GPRC6A: variants seen among roughly 807,000 people sequenced by gnomAD.
GPRC6A encodes the protein G protein-coupled receptor class C group 6 member A, also known as G protein-coupled receptor family C group 6 member A.
Under a neutral mutation model 47.0 loss-of-function variants are expected in GPRC6A, and 54 were observed. The ratio of observed to expected loss-of-function variants is 1.15; its 90% CI spans 0.92 to 1.44. GPRC6A has a LOEUF of 1.44. GPRC6A is among the 40% of genes most tolerant of loss of function. The pLI, the probability that GPRC6A is intolerant of heterozygous loss-of-function variation, is 0.00. For synonymous variants in GPRC6A, 347 were observed against 377.1 expected, an observed-to-expected ratio of 0.92 and a Z score of 0.93; for missense variants, 1,112 against 1,105.5, an observed-to-expected ratio of 1.01 and a Z score of -0.08.
intron 4 of GPRC6A, among the ~76,000 whole-genome samples, chr6:116,799,502 A>G (rs1257871712): frequency 6.6e-6 from 1 of 152,198 alleles, no homozygotes; most frequent in African/African-American, 2.4e-5. Context: ...TGAGGGGAGA[A>G]TAATTAGCTG....
At position 116,792,142 on chromosome 6, in the gene GPRC6A, T is replaced by G. The variant is rs778729696; in HGVS notation, c.2781A>C (p.Ter927CysextTer11). 6 of 1,610,012 alleles carry G rather than the reference T, an allele frequency of 3.7e-6. No individual in the cohort carries two copies. In the Admixed American group the frequency reaches 1.0e-4, roughly 27 times the overall value. The change falls in exon 6 of 6, where the codon TGA becomes TGC. Residue 927 changes from the stop codon to cysteine (C), a stop_lost. Coordinates refer to ENST00000310357, the MANE Select transcript of GPRC6A (RefSeq NM_148963.4). ...GAATGTGGCATCTCCTAAGGCTTAT[T>G]CATATACTTGACATTCTTTTTCGAG... The part of the protein sequence containing the change: ...TLPRKRMSSI[*>C]
chr6:116,810,590 T>C (rs1412226957), intron 1 of GPRC6A, among the ~76,000 whole-genome samples: 5 of 151,668 alleles, frequency 3.3e-5, no homozygotes, highest in Admixed American at 1.3e-4. Flanking sequence ...AGTTAAACTA[T>C]TTGAAGATTA....
At position 116,795,860 on chromosome 6, in the gene GPRC6A, T is replaced by C. The variant is rs1582452930; in HGVS notation, c.1549-25A>G. The C allele has an allele frequency of 2.0e-6, 3 of 1,487,792 alleles. 1 individual carries two copies. In the East Asian group the frequency reaches 6.9e-5, roughly 34 times the overall value. 92.2% of individuals were successfully genotyped at this position (1,487,792 alleles called of 1,614,324 possible). On this transcript the variant is annotated intron_variant, in intron 4 of 5. Transcript: ENST00000310357. ...GCTATATTAAAAGTGAAAAAAAAAA[T>C]CACAAGTAAATTTGTAAAAAAAATT... is the stretch of plus-strand genomic sequence containing the variant.
rs763047293 is a variant in GPRC6A at position 116,792,982 on chromosome 6, C to T, written c.1941G>A (p.Thr647=). 4.3e-6 allele frequency: 7 copies of T among 1,613,918 alleles called. No individual in the cohort carries two copies. The Admixed American group carries it at 6.7e-5, about 15-fold the overall frequency. The part of the protein sequence containing the change: ...LLCHFLNFAS[T]SFFIGEPQDF... ...CTTGTGGTTCTCCAATGAAAAAGCT[C>T]GTGCTGGCAAAATTGAGGAAATGAC... Residue 647 remains threonine, a synonymous_variant, in exon 6 of 6, where the codon ACG becomes ACA. Transcript: ENST00000310357.
At chr6:116,823,604 T>C (rs999247066) in intron 1 of GPRC6A, among the ~76,000 whole-genome samples, 4 of 152,150 alleles carry the variant, frequency 2.6e-5, no homozygotes, top group Non-Finnish European at 5.9e-5. Flanking sequence ...TTCCACATTT[T>C]CAGATATCTT....
At chr6:116,814,507 A>G (rs1303487299) in intron 1 of GPRC6A, among the ~76,000 whole-genome samples, 3 of 152,232 alleles carry the variant, frequency 2.0e-5, no homozygotes, top group East Asian at 1.9e-4. Flanking sequence ...ACAAGGACAG[A>G]AAACCAGACA....
intron 1 of GPRC6A, among the ~76,000 whole-genome samples, chr6:116,820,488 C>T (rs1245091489): frequency 7.9e-5 from 12 of 151,452 alleles, no homozygotes; most frequent in African/African-American, 2.9e-4. Flanking sequence ...AATCCAGCAG[C>T]ACATCAAAAA....
chr6:116,792,501 T>TATGCTACCACA lies in GPRC6A; in HGVS notation c.2421_2422insTGTGGTAGCAT (p.Lys808CysfsTer16). The TATGCTACCACA allele has an allele frequency of 6.2e-7, 1 of 1,613,906 alleles. No homozygotes were observed. On this transcript the variant is annotated frameshift_variant, in exon 6 of 6. Transcript: ENST00000310357. LOFTEE classifies it low-confidence loss of function (END_TRUNC). Reference sequence around the variant, plus strand: ...ATAATCTCCACAGCTGGTACATATTTGCCAAATGTGGTAGCATAGATAGGG... The same window carrying TATGCTACCACA: ...ATAATCTCCACAGCTGGTACATATTTATGCTACCACAGCCAAATGTGGTAGCATAGATAGGG...
At position 116,817,756 on chromosome 6, in the gene GPRC6A, C is replaced by T. The variant is rs1264281862; in HGVS notation, c.195-8139G>A. Among the ~76,000 whole-genome samples the T allele has an allele frequency of 4.6e-5, 7 of 151,844 alleles. 1 individual carries two copies. The East Asian group carries it at 9.7e-4, about 21-fold the overall frequency. ...AATGCAGAAGCCTCAGGAGCCGATGCGATCAACTGGAAGAAAGGGTATCAG... is the reference window on the plus strand; with the variant it reads ...AATGCAGAAGCCTCAGGAGCCGATGTGATCAACTGGAAGAAAGGGTATCAG... On this transcript the variant is annotated intron_variant, in intron 1 of 5. Transcript: ENST00000310357.
chr6:116,815,219 A>G (rs755938144), intron 1 of GPRC6A, among the ~76,000 whole-genome samples: 3 of 152,114 alleles, frequency 2.0e-5, no homozygotes, highest in Non-Finnish European at 4.4e-5. Context: ...ATGGTAGCTC[A>G]CCCCTGTAAT....
intron 1 of GPRC6A, among the ~76,000 whole-genome samples, chr6:116,815,598 A>AT (rs1344902064): frequency 4.6e-5 from 7 of 152,234 alleles, no homozygotes; most frequent in African/African-American, 1.7e-4. Context: ...CATTCTCCAG[A>AT]TCAGGCCATA....
Position 116,807,233 on chromosome 6 carries a change from A to G in GPRC6A, c.499-27T>C, listed in dbSNP as rs746478322. 8 of 1,380,920 alleles carry G rather than the reference A, an allele frequency of 5.8e-6. No homozygotes were observed. The African/African-American group carries it at 1.1e-4, about 20-fold the overall frequency. 85.5% of individuals were successfully genotyped at this position (1,380,920 alleles called of 1,614,324 possible). ...TGGAAATAGACAGAATATTTTAGTTATGGTGTTGATGAACTCCAGGTAACT... is the reference window on the plus strand; with the variant it reads ...TGGAAATAGACAGAATATTTTAGTTGTGGTGTTGATGAACTCCAGGTAACT... On this transcript the variant is annotated intron_variant, in intron 2 of 5. Transcript: ENST00000310357.
In GPRC6A at chr6:116,819,966, A is replaced by G. The variant is rs1199415254; in HGVS notation, c.194+8854T>C. On this transcript the variant is annotated intron_variant, in intron 1 of 5. Transcript: ENST00000310357. ...ACAAAATTGATAGACCGCTAGCAAG[A>G]CTAATAAAGAAAAAAAGAGAGAAGA... Among the ~76,000 whole-genome samples the G allele has an allele frequency of 7.3e-5, 11 of 150,382 alleles. No homozygotes were observed. In the South Asian group the frequency reaches 2.1e-3, roughly 29 times the overall value.
At position 116,809,476 on chromosome 6, in the gene GPRC6A, G is replaced by T; in HGVS notation, c.336C>A (p.Ala112=). 3 of 1,613,626 alleles carry T rather than the reference G, an allele frequency of 1.9e-6. No homozygotes were observed. The highest frequency in any genetic ancestry group is 2.5e-6 in the Non-Finnish European group (3 of 1,179,808). ...TCTEVTVAMA[A]TLRFLSKFNC... ...TGAATTTAGAAAGAAACCTCAGAGT[G>T]GCTGCCATTGCCACTGTGACTTCTG... is the stretch of plus-strand genomic sequence containing the variant. The change falls in exon 2 of 6, where the codon GCC becomes GCA. Residue 112 remains alanine (A), a synonymous_variant. Coordinates refer to ENST00000310357, the MANE Select transcript of GPRC6A (RefSeq NM_148963.4).
intron 1 of GPRC6A, among the ~76,000 whole-genome samples, chr6:116,812,188 C>T (rs958982634): frequency 2.6e-5 from 4 of 152,086 alleles, no homozygotes; most frequent in African/African-American, 9.7e-5. Flanking sequence ...CAGCAGAAAC[C>T]TTATAGGCCA....
At chr6:116,812,345 A>C (rs190351360) in intron 1 of GPRC6A, among the ~76,000 whole-genome samples, 1 of 152,314 alleles carries the variant, frequency 6.6e-6, no homozygotes, top group African/African-American at 2.4e-5. Flanking sequence ...CAGCACCACT[A>C]GACTGGCCCT....
intron 5 of GPRC6A, among the ~76,000 whole-genome samples, chr6:116,794,964 T>A (rs1220490649): frequency 6.6e-6 from 1 of 152,184 alleles, no homozygotes; most frequent in Non-Finnish European, 1.5e-5. Flanking sequence ...CTATTCCAGT[T>A]CCGGAGTTCT....
rs1190444410 is a variant in GPRC6A, at chr6:116,808,233, C to T, written c.499-1027G>A. On this transcript the variant is annotated intron_variant, in intron 2 of 5. Transcript: ENST00000310357. ...GTTCCCTTCCAAGTACCTGATGTTG[C>T]TATGCTCAGCCACATTGTTAAGAGC... Among the ~76,000 whole-genome samples the T allele has an allele frequency of 2.0e-5, 3 of 152,088 alleles. No individual in the cohort carries two copies. In the East Asian group the frequency reaches 5.8e-4, roughly 29 times the overall value.
At chr6:116,797,831 A>G (rs1772537362) in intron 4 of GPRC6A, among the ~76,000 whole-genome samples, 1 of 152,226 alleles carries the variant, frequency 6.6e-6, no homozygotes, top group Admixed American at 6.5e-5. Context: ...AGTTGTGAGG[A>G]TAATGGTAAG....
Sources: allele counts gnomAD v4.1 joint callset (sites outside exome capture counted in the v4.1 genomes callset), GRCh38; gene constraint gnomAD v4.1.1; transcripts MANE v1.5; gene names NCBI Gene and HGNC (gene_info 2026-07-23, HGNC 2026-07-21).